LMF1: variants seen among roughly 807,000 people sequenced by gnomAD.
The protein encoded by LMF1 is transmembrane protein 112.
A neutral mutation model predicts 60.6 loss-of-function variants in LMF1; 68 were observed. The observed-to-expected ratio is 1.12, with a 90% CI of 0.92 to 1.37. The LOEUF is 1.37. Ranked by LOEUF, LMF1 falls within the 40% of genes most tolerant of loss-of-function variation. The pLI is 0.00. For missense variants in LMF1, 948 were observed against 767.2 expected, an observed-to-expected ratio of 1.24 and a Z score of -2.78; for synonymous variants, 418 against 324.7, an observed-to-expected ratio of 1.29 and a Z score of -3.09.
At chr16:895,910 C>A (rs1219128712) in intron 4 of LMF1, among the ~76,000 whole-genome samples, 1 of 106,182 alleles carries the variant, frequency 9.4e-6, no homozygotes, top group East Asian at 2.8e-4. Context: ...AGACACGCCT[C>A]GGAGGGGTTG....
chr16:892,487 T>A (rs1200292637), intron 5 of LMF1, among the ~76,000 whole-genome samples: 1 of 152,198 alleles, frequency 6.6e-6, no homozygotes, highest in Non-Finnish European at 1.5e-5. Context: ...ACGTGAGCAG[T>A]TGGCAGGAAC....
intron 1 of LMF1, chr16:980,548 G>A (rs918715724): frequency 6.6e-6 from 1 of 152,266 alleles, no homozygotes; most frequent in African/African-American, 2.4e-5. Flanking sequence ...GGCGCGGTAG[G>A]TCACCCGGGT....
At chr16:938,387 C>G (rs2072003012) in intron 2 of LMF1, among the ~76,000 whole-genome samples, 1 of 151,732 alleles carries the variant, frequency 6.6e-6, no homozygotes, top group African/African-American at 2.4e-5. Flanking sequence ...AGGGATGGGG[C>G]TGGACGGCGG....
chr16:910,327 C>T (rs1341215694), intron 4 of LMF1, among the ~76,000 whole-genome samples: 3 of 152,112 alleles, frequency 2.0e-5, no homozygotes, highest in Non-Finnish European at 4.4e-5. Context: ...ACACCAGGGC[C>T]CAGGAGGGAA....
At chr16:876,283 C>A (rs2069971624) in intron 6 of LMF1, among the ~76,000 whole-genome samples, 1 of 152,238 alleles carries the variant, frequency 6.6e-6, no homozygotes, top group African/African-American at 2.4e-5. Flanking sequence ...CAATGCTTCC[C>A]ACTCTAGGAT....
In LMF1 at chr16:897,733, T is replaced by C. The variant is rs1017445632; in HGVS notation, c.664-4661A>G. On this transcript the variant is annotated intron_variant, in intron 4 of 10. Coordinates refer to ENST00000262301, the MANE Select transcript of LMF1 (RefSeq NM_022773.4). The surrounding 1 kb of genome is among the most constrained non-coding windows in gnomAD (Gnocchi z 4.3). ...GTGGGCTCCGTGGGCAGAGGCACTA[T>C]GGGGTCTATCAAGACCCTCTAGTCT... is the stretch of plus-strand genomic sequence containing the variant. Among the ~76,000 whole-genome samples the C allele has an allele frequency of 6.6e-5, 10 of 152,158 alleles. No individual in the cohort carries two copies. The highest frequency in any genetic ancestry group is 1.0e-4 in the Non-Finnish European group (7 of 68,014).
chr16:902,514 C>T (rs1299692746), intron 4 of LMF1: 1 of 156,042 alleles, frequency 6.4e-6, no homozygotes, highest in Admixed American at 6.4e-5. Context: ...GGGCTCAAAG[C>T]ACATGGTTTT....
intron 1 of LMF1, among the ~76,000 whole-genome samples, chr16:959,925 G>C (rs1429659725): frequency 2.6e-5 from 4 of 151,052 alleles, no homozygotes; most frequent in Middle Eastern, 3.4e-3. Flanking sequence ...GTGAGAGTCA[G>C]AGTCATCGGC....
rs116340878 is a variant in LMF1 at position 946,262 on chromosome 16, G to A, written c.503+8095C>T. Among the ~76,000 whole-genome samples, 729 of 152,378 alleles carry A rather than the reference G, an allele frequency of 4.8e-3. 9 individuals are homozygous for A. The highest frequency in any genetic ancestry group is 0.016 in the African/African-American group (682 of 41,596). On this transcript the variant is annotated intron_variant, in intron 2 of 10. Coordinates refer to ENST00000262301, the MANE Select transcript of LMF1 (RefSeq NM_022773.4). ...CCATGTGCCGCAGCAGCCACGAAGG[G>A]GAGGGGACAGCTGGCTGGCAGCGGA... is the stretch of plus-strand genomic sequence containing the variant.
chr16:861,350 CTTTCT>C (rs1433245273), intron 10 of LMF1, among the ~76,000 whole-genome samples: 198 of 125,552 alleles, frequency 1.6e-3, no homozygotes, highest in Non-Finnish European at 2.5e-3. Context: ...TATTAATTTT[CTTTCT>C]TTTTTTTTTT....
rs188746768 is a variant in LMF1, at chr16:857,043, G to A, written c.1530-2337C>T. ...TGGAACCCTGCGGCACGTACCCGCG[G>A]GGCAGGCGATTCTCACGCCAATTCT... On this transcript the variant is annotated intron_variant, in intron 10 of 10. Transcript: ENST00000262301. Among the ~76,000 whole-genome samples the A allele has an allele frequency of 3.3e-5, 5 of 152,378 alleles. No homozygotes were observed. The East Asian group carries it at 9.6e-4, about 29-fold the overall frequency.
At position 963,787 on chromosome 16, in the gene LMF1, A is replaced by G. The variant is rs549912435; in HGVS notation, c.193+7001T>C. 7.9e-5 allele frequency among the ~76,000 whole-genome samples: 12 copies of G among 152,336 alleles called. No individual in the cohort carries two copies. The East Asian group carries it at 1.9e-3, about 25-fold the overall frequency. On this transcript the variant is annotated intron_variant, in intron 1 of 10. Transcript: ENST00000262301. ...CTAAATCAGTAATTCTAAGGCAAGA[A>G]GCATAGGATGCTTCCTGCTTATCAG...
chr16:974,585 C>G (rs539162507), upstream of LMF1, among the ~76,000 whole-genome samples: 2 of 152,338 alleles, frequency 1.3e-5, no homozygotes, highest in Non-Finnish European at 2.9e-5. Context: ...TGGGCTGCCT[C>G]CCCGGAGACC....
At chr16:922,085 G>A (rs764004632) in intron 3 of LMF1, among the ~76,000 whole-genome samples, 4 of 152,070 alleles carry the variant, frequency 2.6e-5, no homozygotes, top group African/African-American at 7.3e-5. Flanking sequence ...CCAGAGAGAC[G>A]CATTCCAAGC....
intron 3 of LMF1, among the ~76,000 whole-genome samples, chr16:924,611 G>T (rs1455851842): frequency 6.6e-6 from 1 of 152,162 alleles, no homozygotes; most frequent in Non-Finnish European, 1.5e-5. Context: ...AGGGGCAGCC[G>T]GGGGTCTCAG....
Position 922,558 on chromosome 16 carries a change from G to A in LMF1, c.515-11479C>T, listed in dbSNP as rs554463311. 4.1e-4 allele frequency among the ~76,000 whole-genome samples: 62 copies of A among 150,540 alleles called. 2 individuals are homozygous for A. Among genetic ancestry groups the A allele is most frequent in the Non-Finnish European group, 7.6e-4 (51 of 67,060 alleles). On this transcript the variant is annotated intron_variant, in intron 3 of 10. Coordinates refer to ENST00000262301, the MANE Select transcript of LMF1 (RefSeq NM_022773.4). ...TTGGGTGTGATGTGGTGTTGGTGTC[G>A]TGTTGTTGCGAAGGCCCTGTCTGAA...
chr16:895,716 AAC>A (rs1257469924), intron 4 of LMF1, among the ~76,000 whole-genome samples: 1 of 152,060 alleles, frequency 6.6e-6, no homozygotes, highest in Non-Finnish European at 1.5e-5. Flanking sequence ...ACGAATGAGA[AAC>A]GGCAGGGGAG....
At chr16:883,176 G>A (rs541435485) in intron 5 of LMF1, among the ~76,000 whole-genome samples, 1 of 151,304 alleles carries the variant, frequency 6.6e-6, no homozygotes, top group South Asian at 2.1e-4. Flanking sequence ...CACAGGACCA[G>A]GAGAAAGAGG....
chr16:944,926 A>T (rs1337035077), intron 2 of LMF1, among the ~76,000 whole-genome samples: 1 of 151,586 alleles, frequency 6.6e-6, no homozygotes, highest in Non-Finnish European at 1.5e-5. Context: ...GTTAAAAAAA[A>T]TAGGGGGCTG....
Sources: allele counts gnomAD v4.1 joint callset (sites outside exome capture counted in the v4.1 genomes callset), GRCh38; gene constraint gnomAD v4.1.1; non-coding constraint Gnocchi (gnomAD v3.1); transcripts MANE v1.5; gene names NCBI Gene and HGNC (gene_info 2026-07-23, HGNC 2026-07-21).